NR1D2: variants seen among roughly 807,000 people sequenced by gnomAD.
The protein encoded by NR1D2 is V-erbA-related protein 1-related.
In NR1D2, 25 loss-of-function variants were observed where a neutral mutation model predicts 52.2. That is an observed-to-expected ratio of 0.48 (90% CI 0.35 to 0.67). The LOEUF is 0.67. Ranked by LOEUF, NR1D2 falls within the 30% of genes least tolerant of loss-of-function variation. The pLI, the probability that NR1D2 is intolerant of heterozygous loss-of-function variation, is 0.01. For missense variants in NR1D2, 681 were observed against 707.2 expected, an observed-to-expected ratio of 0.96 and a Z score of 0.42; for synonymous variants, 259 against 230.1, an observed-to-expected ratio of 1.13 and a Z score of -1.14.
At chr3:23,952,787 C>T (rs1037145464) in intron 1 of NR1D2, among the ~76,000 whole-genome samples, 2 of 151,720 alleles carry the variant, frequency 1.3e-5, no homozygotes, top group Admixed American at 1.3e-4. Flanking sequence ...ATAGTAGGCA[C>T]CTGTTTTATC....
At chr3:23,949,914 A>G (rs1232425040) in intron 1 of NR1D2, among the ~76,000 whole-genome samples, 1 of 152,228 alleles carries the variant, frequency 6.6e-6, no homozygotes, top group Non-Finnish European at 1.5e-5. Context: ...AGTGCTTCCT[A>G]GCAGTACAAA....
At position 23,978,248 on chromosome 3, in the gene NR1D2, A is replaced by T. The variant is rs574634547; in HGVS notation, c.*829A>T. ...ACATGTACATAATATGTATGTGAAT[A>T]TAGTTAAATATATTTCTTCACAATA... is the stretch of plus-strand genomic sequence containing the variant. On this transcript the variant is annotated 3_prime_UTR_variant, in exon 8 of 8. Coordinates refer to ENST00000312521, the MANE Select transcript of NR1D2 (RefSeq NM_005126.5). 6.6e-6 allele frequency: 1 copy of T among 152,308 alleles called. No individual in the cohort carries two copies. Among genetic ancestry groups the T allele is most frequent in the South Asian group, 2.1e-4 (1 of 4,822 alleles). 9.4% of individuals were successfully genotyped at this position (152,308 alleles called of 1,614,324 possible).
rs1373257036 is a variant in NR1D2 at position 23,974,163 on chromosome 3, G to A, written c.1544-3060G>A. ...GCTCATGCCTGTAATCCCAGCACTT[G>A]GTGAGGCCCAGGCTGGTGGATCATT... On this transcript the variant is annotated intron_variant, in intron 7 of 7. Coordinates refer to ENST00000312521, the MANE Select transcript of NR1D2 (RefSeq NM_005126.5). Among the ~76,000 whole-genome samples, 32 of 132,676 alleles carry A rather than the reference G, an allele frequency of 2.4e-4. No individual in the cohort carries two copies. In the Admixed American group the frequency reaches 2.9e-3, roughly 12 times the overall value. 87.0% of individuals were successfully genotyped at this position (132,676 alleles called of 152,430 possible).
chr3:23,963,320 T>G, intron 5 of NR1D2: 1 of 1,345,488 alleles, frequency 7.4e-7, no homozygotes, highest in Non-Finnish European at 9.8e-7. Context: ...CTTGGTATTT[T>G]CTACTGACAG....
chr3:23,955,820 C>T (rs535716956), intron 2 of NR1D2, among the ~76,000 whole-genome samples: 6 of 151,500 alleles, frequency 4.0e-5, no homozygotes, highest in African/African-American at 1.5e-4. Context: ...GAGACTCTAT[C>T]TTTAAAACAA....
rs945746137 is a variant in NR1D2 at position 23,978,636 on chromosome 3, G to T, written c.*1217G>T. On this transcript the variant is annotated 3_prime_UTR_variant, in exon 8 of 8. Transcript: ENST00000312521. The stretch of plus-strand genomic sequence containing the variant: ...ACACATGCTGCAGCTTGATGTTAAA[G>T]AATTTTTATTCTTTCTGAAGAACTA... The T allele has an allele frequency of 2.8e-4, 43 of 152,216 alleles. No individual in the cohort carries two copies. Among genetic ancestry groups the T allele is most frequent in the African/African-American group, 1.0e-3 (43 of 41,562 alleles). 9.4% of individuals were successfully genotyped at this position (152,216 alleles called of 1,614,324 possible).
chr3:23,967,866 C>T lies in NR1D2; in HGVS notation c.1386C>T (p.Thr462=). ...TTGATGCAAAGGAACGTACTGTCAC[C>T]TTTTTAAGTGGAAAGAAATATAGTG... ...SLFDAKERTV[T]FLSGKKYSVD... Residue 462 remains threonine (T), a synonymous_variant, in exon 7 of 8, where the codon ACC becomes ACT. Coordinates refer to ENST00000312521, the MANE Select transcript of NR1D2 (RefSeq NM_005126.5). 1 of 1,614,022 alleles carries T rather than the reference C, an allele frequency of 6.2e-7. No individual in the cohort carries two copies. Among genetic ancestry groups the T allele is most frequent in the South Asian group, 1.1e-5 (1 of 91,086 alleles).
intron 7 of NR1D2, among the ~76,000 whole-genome samples, chr3:23,976,575 A>G (rs1256575406): frequency 1.2e-4 from 19 of 152,354 alleles, no homozygotes; most frequent in Non-Finnish European, 2.4e-4. Flanking sequence ...GTTCCTTGCC[A>G]TGTGGGCCTC....
chr3:23,954,641 C>G lies in NR1D2; in HGVS notation c.121C>G (p.Pro41Ala). The change falls in exon 2 of 8, where the codon CCA becomes GCA. Residue 41 changes from proline to alanine, a missense_variant. Pro to Ala is a conservative substitution (Grantham distance 27, BLOSUM62 -1). Transcript: ENST00000312521. ...TTTCCAGTCCTCCTCCTCTTCTGTT[C>G]CATCTTCTCCAAATAGCTCTAATTC... ...NSFQSSSSSV[P>A]SSPNSSNSDT... is the part of the protein sequence containing the mutation. The G allele has an allele frequency of 6.2e-7, 1 of 1,614,070 alleles. No individual in the cohort carries two copies. The highest frequency in any genetic ancestry group is 8.5e-7 in the Non-Finnish European group (1 of 1,179,946).
At chr3:23,947,723 T>G (rs138251885) in intron 1 of NR1D2, among the ~76,000 whole-genome samples, 1,661 of 152,324 alleles carry the variant, frequency 0.011, 31 homozygotes, top group African/African-American at 0.037. Context: ...TCTTAAAATT[T>G]CTCTCGTTCA....
intron 7 of NR1D2, among the ~76,000 whole-genome samples, chr3:23,972,241 A>G (rs1706608540): frequency 6.6e-6 from 1 of 152,184 alleles, no homozygotes; most frequent in Non-Finnish European, 1.5e-5. Flanking sequence ...CAGACAAGGG[A>G]TTTGAGGAAC....
intron 7 of NR1D2, among the ~76,000 whole-genome samples, chr3:23,968,288 CTA>C (rs1327817453): frequency 6.6e-6 from 1 of 152,164 alleles, no homozygotes; most frequent in Non-Finnish European, 1.5e-5. Flanking sequence ...CATAATTTTT[CTA>C]TGAGTCTAAA....
At chr3:23,974,951 TG>T (rs1706684426) in intron 7 of NR1D2, among the ~76,000 whole-genome samples, 1 of 151,914 alleles carries the variant, frequency 6.6e-6, no homozygotes. Context: ...TCCAAGTAGC[TG>T]GGATTACAGA....
At chr3:23,955,889 T>C in intron 2 of NR1D2, 148 bp from the exon 3 acceptor site, 1 of 563,872 alleles carries the variant, frequency 1.8e-6, no homozygotes, top group East Asian at 2.8e-5. Flanking sequence ...TTACTTTTGA[T>C]TTGAAAATAT....
intron 1 of NR1D2, among the ~76,000 whole-genome samples, chr3:23,952,755 A>G (rs1233359427): frequency 6.6e-6 from 1 of 151,824 alleles, no homozygotes; most frequent in Non-Finnish European, 1.5e-5. Flanking sequence ...TGTCTGATGA[A>G]AAACATTGTG....
intron 1 of NR1D2, chr3:23,946,354 A>T (rs1362647450): frequency 6.6e-5 from 62 of 938,178 alleles, no homozygotes; most frequent in Non-Finnish European, 7.9e-5. Context: ...GTGCAGGACG[A>T]GGGCGTGCTG....
chr3:23,977,316 A>T lies in NR1D2; in HGVS notation c.1637A>T (p.Asn546Ile), dbSNP rs1288911241. ...LRTLIMKNHP[N>I]EASIFTKLLL... is the part of the protein sequence containing the mutation. ...ACCTTAATAATGAAAAACCATCCAA[A>T]TGAGGCCTCTATTTTTACAAAACTG... Residue 546 changes from asparagine to isoleucine, a missense_variant, in exon 8 of 8, where the codon AAT becomes ATT. Coordinates refer to ENST00000312521, the MANE Select transcript of NR1D2 (RefSeq NM_005126.5). 5 of 1,613,376 alleles carry T rather than the reference A, an allele frequency of 3.1e-6. No individual in the cohort carries two copies. The African/African-American group carries it at 5.3e-5, about 17-fold the overall frequency.
At position 23,980,175 on chromosome 3, in the gene NR1D2, A is replaced by G; in HGVS notation, c.*2756A>G. On this transcript the variant is annotated 3_prime_UTR_variant, in exon 8 of 8. Transcript: ENST00000312521. ...AATTACCATTGTAACTTGATAAGAG[A>G]TGATTTATTTTATGTAAACATCTTT... is the stretch of plus-strand genomic sequence containing the variant. 1 of 152,190 alleles carries G rather than the reference A, an allele frequency of 6.6e-6. No individual in the cohort carries two copies. The highest frequency in any genetic ancestry group is 1.9e-4 in the East Asian group (1 of 5,202). The allele number at this position is 152,190 out of a possible 1,614,324, so 9.4% of individuals were successfully genotyped here. A position where few individuals can be genotyped will look rare whatever the true frequency, so the allele number is the denominator to read the frequency against.
Position 23,962,479 on chromosome 3 carries a change from T to G in NR1D2, c.1020T>G (p.Asn340Lys). The G allele has an allele frequency of 6.2e-7, 1 of 1,614,172 alleles. No homozygotes were observed. The highest frequency in any genetic ancestry group is 2.2e-5 in the East Asian group (1 of 44,880). ...ATGGTCATGCCATTTGTATTGCAAA[T>G]GGACATTGTATGAACTTCTCCAATG... ...YPNGHAICIA[N>K]GHCMNFSNAY... Residue 340 changes from asparagine (N) to lysine (K), a missense_variant, in exon 5 of 8, where the codon AAT becomes AAG. Around this residue, in one of 3 missense-constraint regions of NR1D2, gnomAD observed 475 missense variants for 454.5 expected, o/e 1.05. Coordinates refer to ENST00000312521, the MANE Select transcript of NR1D2 (RefSeq NM_005126.5).
Sources: gnomAD v4.1 joint callset for allele counts (sites outside exome capture counted in the v4.1 genomes callset) on GRCh38, gnomAD v4.1.1 for gene constraint, gnomAD v4.1.1 regional missense constraint, MANE v1.5 for transcripts, NCBI Gene and HGNC (gene_info 2026-07-23, HGNC 2026-07-21) for gene names.